AGMO: variants seen among roughly 807,000 people sequenced by gnomAD.
The protein encoded by AGMO is alkylglycerol monooxygenase, also known as glyceryl-ether monooxygenase.
Under a neutral mutation model 60.2 loss-of-function variants are expected in AGMO, and 75 were observed. That is an observed-to-expected ratio of 1.25 (90% CI 1.03 to 1.51). AGMO has a LOEUF of 1.51. Among genes scored for constraint, AGMO ranks in the 40% most tolerant of loss-of-function variants. AGMO has a pLI of 0.00. For missense variants in AGMO, 763 were observed against 525.5 expected (o/e 1.45, Z -4.42); for synonymous variants, 261 against 177.1 (o/e 1.47, Z -3.76).
At chr7:15,164,623 G>T in the AGMO span, among the ~76,000 whole-genome samples, 1 of 151,956 alleles carries the variant, frequency 6.6e-6, no homozygotes, top group Non-Finnish European at 1.5e-5. Flanking sequence ...ATGAAAAAAT[G>T]CTCATCCTCA....
chr7:15,184,584 G>A, the AGMO span, among the ~76,000 whole-genome samples: 1 of 129,840 alleles, frequency 7.7e-6, no homozygotes, highest in African/African-American at 3.0e-5. Context: ...AAGGAAGGAA[G>A]GTAGTAAGGA....
At chr7:15,272,740 C>G (rs1013227679) in intron 12 of AGMO, among the ~76,000 whole-genome samples, 2 of 152,164 alleles carry the variant, frequency 1.3e-5, no homozygotes, top group Admixed American at 1.3e-4. Context: ...GTTTACAGTG[C>G]CACCAACAGT....
intron 3 of AGMO, among the ~76,000 whole-genome samples, chr7:15,466,932 T>A (rs528853915): frequency 6.6e-6 from 1 of 152,092 alleles, no homozygotes; most frequent in African/African-American, 2.4e-5. Context: ...AGGAGGAAAA[T>A]GATTAGTAAT....
chr7:15,222,298 C>G (rs1427235770), intron 12 of AGMO, among the ~76,000 whole-genome samples: 1 of 151,894 alleles, frequency 6.6e-6, no homozygotes, highest in Middle Eastern at 3.2e-3. Context: ...TTCACAGATA[C>G]CTGAAATGTA....
At chr7:15,529,765 T>A (rs1217123169) in intron 3 of AGMO, among the ~76,000 whole-genome samples, 39 of 114,608 alleles carry the variant, frequency 3.4e-4, no homozygotes, top group African/African-American at 1.2e-3. Flanking sequence ...TATATATATT[T>A]CTCTATATAT....
rs184938691 is a variant in AGMO, at chr7:15,506,066, A to C, written c.409+38706T>G. On this transcript the variant is annotated intron_variant, in intron 3 of 12. Transcript: ENST00000342526. ...CTACCTAGAAAGAACATTCATTTAC[A>C]TTTGAACAGTGATTTCCCTTATTTT... Among the ~76,000 whole-genome samples, 756 of 152,176 alleles carry C rather than the reference A, an allele frequency of 5.0e-3. 6 individuals are homozygous for C. The highest frequency in any genetic ancestry group is 0.017 in the African/African-American group (713 of 41,562).
intron 3 of AGMO, among the ~76,000 whole-genome samples, chr7:15,468,043 A>T (rs1380709738): frequency 6.6e-6 from 1 of 152,104 alleles, no homozygotes; most frequent in Non-Finnish European, 1.5e-5. Flanking sequence ...TTTTCTAACA[A>T]ATCTGCTCAC....
rs377757742 is a variant in AGMO, at chr7:15,493,659, G to A, written c.409+51113C>T. On this transcript the variant is annotated intron_variant, in intron 3 of 12. Transcript: ENST00000342526. ...CAAAGTGCTGGGATTACAGGCGTGA[G>A]CCACCGCGCCCGGCCCACATTTCTT... Among the ~76,000 whole-genome samples, 7 of 152,186 alleles carry A rather than the reference G, an allele frequency of 4.6e-5. No individual in the cohort carries two copies. In the East Asian group the frequency reaches 1.2e-3, roughly 25 times the overall value.
chr7:15,427,870 A>G (rs548201953), intron 4 of AGMO, among the ~76,000 whole-genome samples: 1 of 152,186 alleles, frequency 6.6e-6, no homozygotes, highest in Non-Finnish European at 1.5e-5. Context: ...TTAAGCTTAA[A>G]ATTGGCTTAA....
intron 6 of AGMO, among the ~76,000 whole-genome samples, chr7:15,391,482 A>G (rs760965595): frequency 2.0e-4 from 30 of 152,296 alleles, no homozygotes; most frequent in Admixed American, 1.3e-3. Context: ...ATAGCTGGTC[A>G]TTATTTATTT....
intron 3 of AGMO, among the ~76,000 whole-genome samples, chr7:15,494,567 A>G (rs894045236): frequency 6.6e-6 from 1 of 152,180 alleles, no homozygotes; most frequent in African/African-American, 2.4e-5. Flanking sequence ...CTGTGTAGCA[A>G]AGATGCTCCT....
intron 3 of AGMO, among the ~76,000 whole-genome samples, chr7:15,456,081 T>C (rs1781992212): frequency 6.6e-6 from 1 of 152,118 alleles, no homozygotes; most frequent in African/African-American, 2.4e-5. Context: ...TTCTTATCTA[T>C]GTCTATGTTA....
At chr7:15,221,684 T>A (rs1172605079) in intron 12 of AGMO, among the ~76,000 whole-genome samples, 1 of 152,138 alleles carries the variant, frequency 6.6e-6, no homozygotes, top group African/African-American at 2.4e-5. Context: ...GAAGCTCTTT[T>A]TTGTAAAACT....
chr7:15,240,308 T>C (rs1029268274), intron 12 of AGMO, among the ~76,000 whole-genome samples: 1 of 152,210 alleles, frequency 6.6e-6, no homozygotes, highest in Non-Finnish European at 1.5e-5. Context: ...GAACGTATAC[T>C]AAAAAATTAA....
downstream of AGMO, among the ~76,000 whole-genome samples, chr7:15,197,909 A>T (rs895982801): frequency 6.6e-6 from 1 of 152,146 alleles, no homozygotes; most frequent in African/African-American, 2.4e-5. Flanking sequence ...AGAGAGTTTA[A>T]ATTTTATTTT....
At chr7:15,477,942 C>G (rs1194331287) in intron 3 of AGMO, among the ~76,000 whole-genome samples, 1 of 152,090 alleles carries the variant, frequency 6.6e-6, no homozygotes, top group Non-Finnish European at 1.5e-5. Flanking sequence ...AATTTTGGGT[C>G]ACATGGAAAG....
At chr7:15,377,713 T>G (rs1783508569) in intron 10 of AGMO, among the ~76,000 whole-genome samples, 3 of 152,062 alleles carry the variant, frequency 2.0e-5, no homozygotes, top group Admixed American at 2.0e-4. Flanking sequence ...GGCTTTTCTT[T>G]TGGTCTCATT....
chr7:15,486,279 A>C (rs1289497351), intron 3 of AGMO, among the ~76,000 whole-genome samples: 1 of 152,152 alleles, frequency 6.6e-6, no homozygotes, highest in Non-Finnish European at 1.5e-5. Context: ...AACGGGTACC[A>C]TTGTGATTTA....
chr7:15,471,669 T>C (rs1427334488), intron 3 of AGMO, among the ~76,000 whole-genome samples: 1 of 151,920 alleles, frequency 6.6e-6, no homozygotes, highest in Non-Finnish European at 1.5e-5. Flanking sequence ...GTTTCCAGGC[T>C]CATTCCAGCA....
Sources: allele counts gnomAD v4.1 joint callset (sites outside exome capture counted in the v4.1 genomes callset), GRCh38; gene constraint gnomAD v4.1.1; transcripts MANE v1.5; gene names NCBI Gene and HGNC (gene_info 2026-07-23, HGNC 2026-07-21).